The following GMDS variants were observed in gnomAD, a reference collection of about 807,000 sequenced individuals.
GMDS encodes the protein GDP-mannose 4,6-dehydratase.
Under a neutral mutation model 49.9 loss-of-function variants are expected in GMDS, and 20 were observed. The ratio of observed to expected loss-of-function variants is 0.40; its 90% CI spans 0.28 to 0.58. The LOEUF is 0.58. Ranked by LOEUF, GMDS falls within the 20% of genes least tolerant of loss-of-function variation. The pLI, the probability that GMDS is intolerant of heterozygous loss-of-function variation, is 0.42. For synonymous variants in GMDS, 177 were observed against 178.6 expected, an observed-to-expected ratio of 0.99 and a Z score of 0.07; for missense variants, 362 against 481.4, an observed-to-expected ratio of 0.75 and a Z score of 2.32.
intron 9 of GMDS, among the ~76,000 whole-genome samples, chr6:1,630,282 G>A (rs982786286): frequency 3.3e-5 from 5 of 152,348 alleles, no homozygotes; most frequent in Non-Finnish European, 7.3e-5. Context: ...AGATGAGTGC[G>A]GCGGTCCTCT....
intron 4 of GMDS, among the ~76,000 whole-genome samples, chr6:2,044,834 G>C (rs927468830): frequency 6.6e-6 from 1 of 152,088 alleles, no homozygotes; most frequent in Non-Finnish European, 1.5e-5. Flanking sequence ...GTTCCAGGTA[G>C]AATTTTATTA....
intron 4 of GMDS, among the ~76,000 whole-genome samples, chr6:1,986,783 T>C (rs1765575171): frequency 6.6e-6 from 1 of 152,196 alleles, no homozygotes; most frequent in Non-Finnish European, 1.5e-5. Context: ...TCAGGGATAT[T>C]TGGTAAGAGC....
At chr6:1,681,097 T>A (rs545323407) in intron 9 of GMDS, among the ~76,000 whole-genome samples, 2 of 152,036 alleles carry the variant, frequency 1.3e-5, no homozygotes, top group Admixed American at 1.3e-4. Context: ...AACACACTCA[T>A]ACACATACGT....
intron 7 of GMDS, among the ~76,000 whole-genome samples, chr6:1,760,482 G>C (rs758798559): frequency 3.3e-5 from 5 of 152,164 alleles, no homozygotes; most frequent in African/African-American, 4.8e-5. Context: ...ACACAGAGGA[G>C]ACAACCCAGT....
chr6:2,105,371 A>G, intron 4 of GMDS, among the ~76,000 whole-genome samples: 1 of 152,166 alleles, frequency 6.6e-6, no homozygotes, highest in East Asian at 1.9e-4. Context: ...CTTCTTCTCT[A>G]GGGAAGATGG....
intron 9 of GMDS, among the ~76,000 whole-genome samples, chr6:1,708,708 G>A (rs1765833033): frequency 6.6e-6 from 1 of 152,334 alleles, no homozygotes. Context: ...TGAAAGAAAG[G>A]CCAGTGAGCG....
intron 8 of GMDS, 25 bp from the exon 9 acceptor site, chr6:1,726,537 C>T: frequency 1.3e-6 from 2 of 1,523,684 alleles, no homozygotes; most frequent in Non-Finnish European, 9.1e-7. Context: ...AACACTGAAT[C>T]AGCTCCTAAT....
At chr6:1,667,407 T>C (rs1289586324) in intron 9 of GMDS, among the ~76,000 whole-genome samples, 2 of 152,198 alleles carry the variant, frequency 1.3e-5, no homozygotes, top group Non-Finnish European at 2.9e-5. Flanking sequence ...AGTTGTACCT[T>C]TGACCCAATT....
chr6:2,131,000 T>C (rs1383461226), intron 1 of GMDS, among the ~76,000 whole-genome samples: 6 of 152,184 alleles, frequency 3.9e-5, no homozygotes, highest in Non-Finnish European at 4.4e-5. Flanking sequence ...CCAATTGGTT[T>C]GTTCTTGGAA....
At chr6:2,032,536 C>A (rs755318883) in intron 4 of GMDS, among the ~76,000 whole-genome samples, 1 of 152,128 alleles carries the variant, frequency 6.6e-6, no homozygotes, top group Non-Finnish European at 1.5e-5. Flanking sequence ...AAAATGAGAT[C>A]TGGAATCCAT....
rs139579735 is a variant in GMDS at position 2,106,724 on chromosome 6, G to A, written c.345+9047C>T. Among the ~76,000 whole-genome samples the A allele has an allele frequency of 5.5e-4, 83 of 152,078 alleles. No individual in the cohort carries two copies. The East Asian group carries it at 0.015, about 27-fold the overall frequency. ...CTAAAAATACAAAAATTAGCTGAGC[G>A]TGGTGGTGGGCACCTGTAATCACAG... On this transcript the variant is annotated intron_variant, in intron 4 of 10. Coordinates refer to ENST00000380815, the MANE Select transcript of GMDS (RefSeq NM_001500.4).
chr6:1,683,383 A>G (rs1764862356), intron 9 of GMDS, among the ~76,000 whole-genome samples: 1 of 152,156 alleles, frequency 6.6e-6, no homozygotes, highest in Admixed American at 6.5e-5. Context: ...TCGGCCTCCC[A>G]AAGTGCTGGG....
At chr6:2,035,432 A>C in intron 4 of GMDS, among the ~76,000 whole-genome samples, 1 of 152,102 alleles carries the variant, frequency 6.6e-6, no homozygotes, top group East Asian at 1.9e-4. Context: ...TGATTTTCCA[A>C]GGATTCACCA....
intron 8 of GMDS, among the ~76,000 whole-genome samples, chr6:1,740,811 T>C (rs530288275): frequency 1.3e-5 from 2 of 152,300 alleles, no homozygotes; most frequent in Admixed American, 1.3e-4. Flanking sequence ...CTATATGCTA[T>C]TTTCCAACTC....
chr6:2,235,398 T>C (rs1020564286), intron 1 of GMDS, among the ~76,000 whole-genome samples: 2 of 152,154 alleles, frequency 1.3e-5, no homozygotes, highest in Non-Finnish European at 2.9e-5. Flanking sequence ...CCAGGGACAA[T>C]GCCTAATTCA....
chr6:2,014,341 C>A (rs180721003), intron 4 of GMDS, among the ~76,000 whole-genome samples: 2 of 151,834 alleles, frequency 1.3e-5, no homozygotes, highest in East Asian at 1.9e-4. Flanking sequence ...TAATATATAA[C>A]TGTTCAAAGT....
intron 9 of GMDS, among the ~76,000 whole-genome samples, chr6:1,636,099 G>A (rs1365042978): frequency 2.0e-5 from 3 of 152,204 alleles, no homozygotes; most frequent in South Asian, 2.1e-4. Context: ...CGCGTGCCAC[G>A]AGGAATCTGT....
At chr6:1,948,979 G>T in intron 6 of GMDS, 1 of 504,508 alleles carries the variant, frequency 2.0e-6, no homozygotes, top group Non-Finnish European at 2.6e-6. Context: ...GCACTGCAGC[G>T]TTCACATTTC....
chr6:1,633,222 G>A (rs981227865), intron 9 of GMDS, among the ~76,000 whole-genome samples: 2 of 152,104 alleles, frequency 1.3e-5, no homozygotes, highest in African/African-American at 4.8e-5. Flanking sequence ...GTTTTTCTTT[G>A]ATACTTACAT....
Sources: allele counts gnomAD v4.1 joint callset (sites outside exome capture counted in the v4.1 genomes callset), GRCh38; gene constraint gnomAD v4.1.1; transcripts MANE v1.5; gene names NCBI Gene and HGNC (gene_info 2026-07-23, HGNC 2026-07-21).